Variants in SLC38A10 observed in about 807,000 individuals in gnomAD.
SLC38A10 encodes solute carrier family 38 member 10, also known as Sodium-coupled neutral amino acid transporter 10.
SLC38A10 carries 53 observed loss-of-function variants against 81.0 expected under a neutral mutation model. That is an observed-to-expected ratio of 0.65 (90% confidence interval 0.53 to 0.82). The LOEUF is 0.82. SLC38A10 is among the 40% of genes least tolerant of loss of function. The pLI is 0.00. For missense variants in SLC38A10, 1,471 were observed against 1,545.0 expected (o/e 0.95, Z 0.80); for synonymous variants, 665 against 655.3 (o/e 1.01, Z -0.23).
chr17:81,257,287 G>A (rs1264499095), intron 11 of SLC38A10, among the ~76,000 whole-genome samples: 1 of 152,084 alleles, frequency 6.6e-6, no homozygotes, highest in East Asian at 1.9e-4. Flanking sequence ...GTAGAGACAG[G>A]GTTTCACCAT....
chr17:81,266,740 G>A (rs151119996), intron 10 of SLC38A10, among the ~76,000 whole-genome samples: 164 of 152,348 alleles, frequency 1.1e-3, no homozygotes, highest in Non-Finnish European at 2.0e-3. Flanking sequence ...CCTACAGTGA[G>A]GTCTGGATAA....
chr17:81,272,711 C>T (rs915555630), intron 8 of SLC38A10, 84 bp from the exon 9 acceptor site: 17 of 850,392 alleles, frequency 2.0e-5, no homozygotes, highest in Non-Finnish European at 2.8e-5. Flanking sequence ...AAGGGCTCTG[C>T]CAGGCACACC....
intron 14 of SLC38A10, among the ~76,000 whole-genome samples, chr17:81,249,336 AGAGGAGGAAGGAGGGAAGAG>A (rs2062885047): frequency 6.5e-4 from 2 of 3,082 alleles, no homozygotes; most frequent in Non-Finnish European, 1.1e-3. Flanking sequence ...GAAGGAGGGA[AGAGGAGGAAGGAGGGAAGAG>A]GAGGAGGAGG....
At position 81,253,008 on chromosome 17, in the gene SLC38A10, C is replaced by A; in HGVS notation, c.1456+65G>T. On this transcript the variant is annotated intron_variant, in intron 12 of 15. Transcript: ENST00000374759. This position sits in a 1 kb window ranked among gnomAD's most constrained non-coding sequence, Gnocchi z 4.1. ...CCCTGAGAGCCACCCCGCAGGGTGT[C>A]CAGCCTGCAAAGGAGGACCCGGGGC... is the stretch of plus-strand genomic sequence containing the variant. The A allele has an allele frequency of 6.4e-7, 1 of 1,573,516 alleles. No homozygotes were observed. The highest frequency in any genetic ancestry group is 8.7e-7 in the Non-Finnish European group (1 of 1,155,972).
rs2062939241 is a variant in SLC38A10, at chr17:81,253,470, C to G, written c.1289-230G>C. ...TACACCTAACTGGGGGCAGGGAGAA[C>G]TAGACTCCATGTAATACTCAGTCAT... On this transcript the variant is annotated intron_variant, in intron 11 of 15. Transcript: ENST00000374759. The surrounding 1 kb of genome is among the most constrained non-coding windows in gnomAD (Gnocchi z 4.1). Among the ~76,000 whole-genome samples the G allele has an allele frequency of 6.6e-6, 1 of 152,142 alleles. No homozygotes were observed. The highest frequency in any genetic ancestry group is 2.1e-4 in the South Asian group (1 of 4,830).
Position 81,252,559 on chromosome 17 carries a change from C to T in SLC38A10, c.1581G>A (p.Ala527=), listed in dbSNP as rs370087351. Residue 527 remains alanine (A), a synonymous_variant, in exon 13 of 16, where the codon GCG becomes GCA. Transcript: ENST00000374759. ...CCTGGACCCCTGGAGCCTTTCCGCC[C>T]GCGTGTCTGGATGGAGGTTTGTTCT... ...PEENKPPSRH[A]GGKAPGVQGQ... is the part of the protein sequence containing the mutation. 191 of 1,613,334 alleles carry T rather than the reference C, an allele frequency of 1.2e-4. No individual in the cohort carries two copies. Among genetic ancestry groups the T allele is most frequent in the Non-Finnish European group, 1.5e-4 (176 of 1,180,038 alleles).
intron 5 of SLC38A10, 140 bp downstream of exon 5, chr17:81,282,049 G>A: frequency 1.6e-6 from 2 of 1,269,210 alleles, no homozygotes; most frequent in African/African-American, 1.5e-5. Context: ...GCACTTCCTG[G>A]TACATCCTGC....
chr17:81,287,348 GC>G (rs2146955029), intron 2 of SLC38A10, among the ~76,000 whole-genome samples: 1 of 152,338 alleles, frequency 6.6e-6, no homozygotes, highest in Admixed American at 6.5e-5. Context: ...ACGGGACCCA[GC>G]CCGGCGCCTC....
intron 6 of SLC38A10, among the ~76,000 whole-genome samples, chr17:81,278,154 C>A (rs539959625): frequency 6.6e-6 from 1 of 150,676 alleles, no homozygotes; most frequent in Admixed American, 6.6e-5. Context: ...ACCAGCACAG[C>A]GGCCAGCGGA....
In SLC38A10 at chr17:81,249,332, GGGAAGAGGAGGAA is replaced by G. The variant is rs1338645975; in HGVS notation, c.2065+2148_2065+2160del. 3.7e-3 allele frequency among the ~76,000 whole-genome samples: 216 copies of G among 58,840 alleles called. 47 individuals are homozygous for G. Among genetic ancestry groups the G allele is most frequent in the African/African-American group, 7.1e-3 (66 of 9,318 alleles). 38.6% of individuals were successfully genotyped at this position (58,840 alleles called of 152,430 possible). A position where few individuals can be genotyped will look rare whatever the true frequency, so the allele number is the denominator to read the frequency against. On this transcript the variant is annotated intron_variant, in intron 14 of 15. Transcript: ENST00000374759. ...AGGAAGGAGGGAAGAGGAGGAAGGA[GGGAAGAGGAGGAA>G]GGAGGGAAGAGGAGGAGGAGGGAGG...
chr17:81,261,196 G>A (rs1305283547), intron 10 of SLC38A10, among the ~76,000 whole-genome samples: 1 of 152,198 alleles, frequency 6.6e-6, no homozygotes, highest in Non-Finnish European at 1.5e-5. Context: ...CTGACAAACT[G>A]TACACTGCTT....
chr17:81,245,283 G>A lies in SLC38A10; in HGVS notation c.*273C>T. 1 of 403,136 alleles carries A rather than the reference G, an allele frequency of 2.5e-6. No homozygotes were observed. Among genetic ancestry groups the A allele is most frequent in the Non-Finnish European group, 4.4e-6 (1 of 226,192 alleles). The allele number at this position is 403,136 out of a possible 1,614,324, so 25.0% of individuals were successfully genotyped here. On this transcript the variant is annotated 3_prime_UTR_variant, in exon 16 of 16. Transcript: ENST00000374759. ...AGTGCACCAGCCAGCTCGCAGCGGA[G>A]GCCGTTTCTCCTCACAGGCTGGAGT...
At position 81,276,118 on chromosome 17, in the gene SLC38A10, C is replaced by T; in HGVS notation, c.763G>A (p.Ala255Thr). The T allele has an allele frequency of 6.2e-7, 1 of 1,613,528 alleles. No individual in the cohort carries two copies. Among genetic ancestry groups the T allele is most frequent in the South Asian group, 1.1e-5 (1 of 91,046 alleles). Residue 255 changes from alanine to threonine, a missense_variant, in exon 8 of 16, where the codon GCC becomes ACC. Ala to Thr is a moderately conservative substitution (Grantham distance 58). This residue lies in a region of SLC38A10 where 720 missense variants were observed against 827.7 expected (regional missense o/e 0.87). Transcript: ENST00000374759. This position sits in a 1 kb window ranked among gnomAD's most constrained non-coding sequence, Gnocchi z 4.7. ...GFFGYVSFTE[A>T]TAGNVLMHFP... The stretch of plus-strand genomic sequence containing the variant: ...TGCATGAGCACGTTGCCGGCCGTGG[C>T]CTCGGTGAAGCTGACGTAGCCGAAA...
Position 81,252,599 on chromosome 17 carries a change from C to T in SLC38A10, c.1541G>A (p.Arg514Gln), listed in dbSNP as rs750391111. ...DKVVVDEGQD[R>Q]EVPEENKPPS... is the part of the protein sequence containing the mutation. ...AGGTTTGTTCTCTTCTGGCACCTCTCGGTCTTGGCCTTCATCTACCACCAC... is the reference window on the plus strand; with the variant it reads ...AGGTTTGTTCTCTTCTGGCACCTCTTGGTCTTGGCCTTCATCTACCACCAC... The change falls in exon 13 of 16, where the codon CGA becomes CAA. Residue 514 changes from arginine (R) to glutamine (Q), a missense_variant. Arg to Gln is a conservative substitution (Grantham distance 43, BLOSUM62 1). Around this residue, in one of 2 missense-constraint regions of SLC38A10, gnomAD observed 720 missense variants for 827.7 expected, o/e 0.87. Transcript: ENST00000374759. 6.2e-6 allele frequency: 10 copies of T among 1,613,176 alleles called. No homozygotes were observed. The South Asian group carries it at 6.6e-5, about 11-fold the overall frequency.
intron 14 of SLC38A10, chr17:81,251,179 GGT>G: frequency 8.5e-6 from 13 of 1,526,776 alleles, no homozygotes; most frequent in South Asian, 1.3e-5. Flanking sequence ...AAGACGAAAT[GGT>G]AATCACAAGC....
At chr17:81,252,026 C>A (rs1255552367) in intron 13 of SLC38A10, 169 bp downstream of exon 13, 4 of 941,978 alleles carry the variant, frequency 4.2e-6, no homozygotes, top group Non-Finnish European at 6.2e-6. Context: ...CAGCCACCAG[C>A]CTCTTCCTGT....
At position 81,253,149 on chromosome 17, in the gene SLC38A10, C is replaced by A; in HGVS notation, c.1380G>T (p.Lys460Asn). 1 of 1,613,984 alleles carries A rather than the reference C, an allele frequency of 6.2e-7. No homozygotes were observed. Among genetic ancestry groups the A allele is most frequent in the Non-Finnish European group, 8.5e-7 (1 of 1,180,042 alleles). The change falls in exon 12 of 16, where the codon AAG becomes AAT. Residue 460 changes from lysine (K) to asparagine (N), a missense_variant. By Grantham distance (94) the Lys-to-Asn change is moderately conservative (BLOSUM62 0). Transcript: ENST00000374759. The surrounding 1 kb of genome is among the most constrained non-coding windows in gnomAD (Gnocchi z 4.1). The stretch of plus-strand genomic sequence containing the variant: ...CCCGTCCAGGCACATCCACGGGCCC[C>A]TTGATCTGGGCCTGCTCCAGCTCCT... Reference protein sequence around the residue: ...EREELEQAQIKGPVDVPGRED... With the variant: ...EREELEQAQINGPVDVPGRED...
chr17:81,254,173 C>G (rs1219988439), intron 11 of SLC38A10, among the ~76,000 whole-genome samples: 2 of 151,934 alleles, frequency 1.3e-5, no homozygotes, highest in Non-Finnish European at 2.9e-5. Context: ...TCAGGTGAAG[C>G]TGTCTGAGGA....
At chr17:81,282,899 C>T (rs774407175) in intron 4 of SLC38A10, among the ~76,000 whole-genome samples, 2 of 152,152 alleles carry the variant, frequency 1.3e-5, no homozygotes, top group East Asian at 1.9e-4. Context: ...CCTAACGTGC[C>T]GTGATGCCTG....
Sources: allele counts gnomAD v4.1 joint callset (sites outside exome capture counted in the v4.1 genomes callset), GRCh38; gene constraint gnomAD v4.1.1; regional missense constraint gnomAD v4.1.1; non-coding constraint Gnocchi (gnomAD v3.1); transcripts MANE v1.5; gene names NCBI Gene and HGNC (gene_info 2026-07-23, HGNC 2026-07-21).